Variants in INTS6 observed in about 807,000 individuals in gnomAD.
The protein encoded by INTS6 is integrator complex subunit 6, also known as DEAD box protein.
A neutral mutation model predicts 104.9 loss-of-function variants in INTS6; 16 were observed. That is an observed-to-expected ratio of 0.15 (90% CI 0.10 to 0.23). The LOEUF is 0.23. Among genes scored for constraint, INTS6 ranks in the 10% least tolerant of loss-of-function variants. The pLI, the probability that INTS6 is intolerant of heterozygous loss-of-function variation, is 1.00. For synonymous variants in INTS6, 324 were observed against 358.7 expected (o/e 0.90, Z 1.09); for missense variants, 584 against 1,062.8 (o/e 0.55, Z 6.26).
chr13:51,355,122 G>A (rs1296901688), intron 3 of INTS6: 2 of 1,537,338 alleles, frequency 1.3e-6, no homozygotes, highest in Non-Finnish European at 1.8e-6. Context: ...TCCACTCAAA[G>A]CTAACTTGAA....
rs758360206 is a variant in INTS6 at position 51,395,320 on chromosome 13, G to A, written c.593C>T (p.Pro198Leu). 1.9e-6 allele frequency: 3 copies of A among 1,606,160 alleles called. No individual in the cohort carries two copies. Among genetic ancestry groups the A allele is most frequent in the South Asian group, 1.1e-5 (1 of 89,098 alleles). The change falls in exon 5 of 18, where the codon CCA becomes CTA. Residue 198 changes from proline (P) to leucine (L), a missense_variant. Transcript: ENST00000311234. The stretch of plus-strand genomic sequence containing the variant: ...CTTACCGCCTGTCACTTCACACATT[G>A]GTGTGATTGCAGAGTCATCTAAAGG... ...GVPLDDSAIT[P>L]MCEVTGGRSY... is the part of the protein sequence containing the mutation.
chr13:51,386,869 A>G (rs1956148885), intron 7 of INTS6, among the ~76,000 whole-genome samples: 1 of 152,174 alleles, frequency 6.6e-6, no homozygotes, highest in Admixed American at 6.5e-5. Context: ...CTGATAATTC[A>G]CCATGATCGC....
chr13:51,335,201 C>A, the INTS6 span, among the ~76,000 whole-genome samples: 3,806 of 151,936 alleles, frequency 0.025, 61 homozygotes, highest in South Asian at 0.057. Context: ...CAAAAGACAT[C>A]ATGAAGAGAG....
At chr13:51,411,670 C>A (rs1282087477) in intron 4 of INTS6, among the ~76,000 whole-genome samples, 1 of 151,964 alleles carries the variant, frequency 6.6e-6, no homozygotes, top group East Asian at 1.9e-4. Flanking sequence ...TGAAAAAATT[C>A]AAGTGTTGGA....
intron 4 of INTS6, among the ~76,000 whole-genome samples, chr13:51,426,567 C>A (rs1167287325): frequency 6.6e-6 from 1 of 152,048 alleles, no homozygotes; most frequent in Non-Finnish European, 1.5e-5. Flanking sequence ...TACTCCCACA[C>A]ACTTAGTATG....
intron 4 of INTS6, among the ~76,000 whole-genome samples, chr13:51,426,192 T>C: frequency 6.6e-6 from 1 of 152,098 alleles, no homozygotes; most frequent in East Asian, 1.9e-4. Flanking sequence ...CTATTACTTT[T>C]CTTTCCTAAC....
At chr13:51,416,234 G>A (rs1956784016) in intron 4 of INTS6, among the ~76,000 whole-genome samples, 1 of 152,168 alleles carries the variant, frequency 6.6e-6, no homozygotes, top group South Asian at 2.1e-4. Context: ...GGAAAATAGT[G>A]TGGGTGTATG....
intron 4 of INTS6, among the ~76,000 whole-genome samples, chr13:51,419,565 G>C (rs1956858172): frequency 6.6e-6 from 1 of 152,144 alleles, no homozygotes; most frequent in African/African-American, 2.4e-5. Context: ...ACATTTCCTA[G>C]AGCCAGCTCC....
Position 51,363,105 on chromosome 13 carries a change from A to G in INTS6, c.*2647T>C, listed in dbSNP as rs1028005149. ...GAGACAGGACTACATTTGAACAGAA[A>G]GGTCATTGCCAAAAGCCAATAGCCA... is the stretch of plus-strand genomic sequence containing the variant. On this transcript the variant is annotated 3_prime_UTR_variant, in exon 18 of 18. Coordinates refer to ENST00000311234, the MANE Select transcript of INTS6 (RefSeq NM_012141.3). 5.9e-5 allele frequency: 9 copies of G among 152,114 alleles called. No homozygotes were observed. Among genetic ancestry groups the G allele is most frequent in the African/African-American group, 2.2e-4 (9 of 41,548 alleles). The allele number at this position is 152,114 out of a possible 1,614,324, so 9.4% of individuals were successfully genotyped here.
intron 4 of INTS6, among the ~76,000 whole-genome samples, chr13:51,425,114 A>G (rs1956962891): frequency 6.6e-6 from 1 of 152,064 alleles, no homozygotes; most frequent in African/African-American, 2.4e-5. Flanking sequence ...TTAATCATTA[A>G]GAATTAAATG....
intron 16 of INTS6, among the ~76,000 whole-genome samples, 197 bp downstream of exon 16, chr13:51,368,739 TACC>T (rs1955740750): frequency 6.6e-6 from 1 of 152,182 alleles, no homozygotes; most frequent in Non-Finnish European, 1.5e-5. Context: ...CCCTGCTGCC[TACC>T]ACCATACCTA....
chr13:51,428,997 A>T (rs1957034690), intron 4 of INTS6, among the ~76,000 whole-genome samples: 1 of 152,172 alleles, frequency 6.6e-6, no homozygotes, highest in African/African-American at 2.4e-5. Context: ...CCTACTAAGT[A>T]CCTTCATATA....
chr13:51,343,779 A>G, the INTS6 span, among the ~76,000 whole-genome samples: 1 of 152,202 alleles, frequency 6.6e-6, no homozygotes, highest in African/African-American at 2.4e-5. Context: ...AGCCCCGTAC[A>G]AGACATATTG....
chr13:51,410,280 T>G lies in INTS6; in HGVS notation c.430-14797A>C, dbSNP rs188332255. Among the ~76,000 whole-genome samples, 345 of 152,238 alleles carry G rather than the reference T, an allele frequency of 2.3e-3. 2 individuals are homozygous for G. The highest frequency in any genetic ancestry group is 1.7e-3 in the Non-Finnish European group (117 of 67,994). ...AAGGACCTAGAATAAACAAAGCAAT[T>G]TGGATAAAAACAAAGTTGGAGACTT... On this transcript the variant is annotated intron_variant, in intron 4 of 17. Transcript: ENST00000311234.
At chr13:51,425,674 A>G (rs1956971590) in intron 4 of INTS6, among the ~76,000 whole-genome samples, 1 of 152,130 alleles carries the variant, frequency 6.6e-6, no homozygotes, top group Admixed American at 6.5e-5. Flanking sequence ...CTGGAATCAT[A>G]GTACAGAATA....
At chr13:51,335,786 A>G in the INTS6 span, 28 of 152,372 alleles carry the variant, frequency 1.8e-4, 1 homozygote, top group East Asian at 1.5e-3. Flanking sequence ...AGATGCATGC[A>G]TAGCACCACA....
At chr13:51,395,926 T>C (rs528528980) in intron 4 of INTS6, among the ~76,000 whole-genome samples, 10 of 152,218 alleles carry the variant, frequency 6.6e-5, no homozygotes, top group African/African-American at 2.4e-4. Context: ...GCCTCCCGAG[T>C]AGCTGGGATT....
At position 51,368,970 on chromosome 13, in the gene INTS6, T is replaced by G. The variant is rs767554705; in HGVS notation, c.2445A>C (p.Gln815His). 2.3e-5 allele frequency: 36 copies of G among 1,599,956 alleles called. No homozygotes were observed. Among genetic ancestry groups the G allele is most frequent in the Non-Finnish European group, 2.9e-5 (34 of 1,173,840 alleles). ...HEEVNTELKA[Q>H]IMKEIRKPGR... ...CTGGCTTTCGGATCTCTTTCATTAT[T>G]TGTGCTTTTAGTTCAGTATTGACCT... Residue 815 changes from glutamine (Q) to histidine (H), a missense_variant, in exon 16 of 18, where the codon CAA becomes CAC. Transcript: ENST00000311234.
intron 3 of INTS6, chr13:51,447,733 GAAAAAAAAAAAA>G (rs940260743): frequency 1.1e-4 from 6 of 55,462 alleles, no homozygotes; most frequent in African/African-American, 1.5e-4. Context: ...ATAATTTACT[GAAAAAAAAAAAA>G]AAAAAAAAAA....
Sources: gnomAD v4.1 joint callset for allele counts (sites outside exome capture counted in the v4.1 genomes callset) on GRCh38, gnomAD v4.1.1 for gene constraint, MANE v1.5 for transcripts, NCBI Gene and HGNC (gene_info 2026-07-23, HGNC 2026-07-21) for gene names.